QTMAN: variants seen among roughly 807,000 people sequenced by gnomAD.
QTMAN encodes the protein tRNA-queuosine alpha-mannosyltransferase.
At chr2:144,231,894 T>G in the QTMAN span, among the ~76,000 whole-genome samples, 3 of 118,828 alleles carry the variant, frequency 2.5e-5, no homozygotes, top group African/African-American at 5.7e-5. Context: ...GTGTGTGTGT[T>G]ATCTTTACTC....
the QTMAN span, among the ~76,000 whole-genome samples, chr2:144,175,670 C>CAGAG: frequency 8.8e-5 from 13 of 148,230 alleles, no homozygotes; most frequent in Non-Finnish European, 1.8e-4. Context: ...TATATATTTA[C>CAGAG]AGAGAGAGAG....
the QTMAN span, chr2:144,145,637 CAA>C: frequency 1.9e-6 from 3 of 1,611,068 alleles, no homozygotes; most frequent in Non-Finnish European, 2.5e-6. Flanking sequence ...CAGGATATAT[CAA>C]CTGGTTCTCG....
the QTMAN span, among the ~76,000 whole-genome samples, chr2:143,985,051 G>C: frequency 6.6e-6 from 1 of 152,240 alleles, no homozygotes; most frequent in Non-Finnish European, 1.5e-5. Context: ...AAAGAGCACT[G>C]ATTGTAACAC....
At chr2:144,201,017 G>A in the QTMAN span, among the ~76,000 whole-genome samples, 6 of 152,104 alleles carry the variant, frequency 3.9e-5, no homozygotes, top group Non-Finnish European at 7.3e-5. Context: ...CTGCTAGGTG[G>A]CATACTAGGT....
the QTMAN span, chr2:144,208,769 TGAG>T: frequency 6.2e-7 from 1 of 1,612,004 alleles, no homozygotes; most frequent in Non-Finnish European, 8.5e-7. Flanking sequence ...GCTTCAATGA[TGAG>T]GATACTCATT....
the QTMAN span, among the ~76,000 whole-genome samples, chr2:144,215,873 C>T: frequency 6.6e-6 from 1 of 152,154 alleles, no homozygotes. Flanking sequence ...AAGCTAATCA[C>T]AAATAATCTT....
At chr2:143,994,875 A>T in the QTMAN span, among the ~76,000 whole-genome samples, 25 of 152,166 alleles carry the variant, frequency 1.6e-4, no homozygotes, top group Non-Finnish European at 5.9e-5. Flanking sequence ...AAGTGGGTAA[A>T]TTTTTTGACA....
the QTMAN span, among the ~76,000 whole-genome samples, chr2:144,231,486 AATAT>A: frequency 1.3e-5 from 2 of 152,142 alleles, no homozygotes; most frequent in South Asian, 2.1e-4. Context: ...ATTCCTAAAA[AATAT>A]ATAATGTCAA....
chr2:144,002,804 T>C, the QTMAN span, among the ~76,000 whole-genome samples: 12 of 151,922 alleles, frequency 7.9e-5, no homozygotes, highest in African/African-American at 4.8e-5. Flanking sequence ...CAAGTTTTGG[T>C]ATAGTATCAA....
the QTMAN span, among the ~76,000 whole-genome samples, chr2:144,290,192 A>G: frequency 1.3e-5 from 2 of 152,054 alleles, no homozygotes; most frequent in South Asian, 2.1e-4. Context: ...GCTGGGGGCT[A>G]AGGGGATGGA....
At chr2:144,182,820 A>ATATATATAATATATATATTT in the QTMAN span, among the ~76,000 whole-genome samples, 2 of 32,130 alleles carry the variant, frequency 6.2e-5, no homozygotes, top group African/African-American at 1.6e-4. Flanking sequence ...TATATATATT[A>ATATATATAATATATATATTT]TATATATAAT....
At chr2:143,952,680 T>C in the QTMAN span, 3 of 915,158 alleles carry the variant, frequency 3.3e-6, no homozygotes, top group African/African-American at 5.0e-5. Context: ...AAATAAACAA[T>C]TGCTCCTGCC....
chr2:144,081,976 T>C, the QTMAN span, among the ~76,000 whole-genome samples: 1 of 152,182 alleles, frequency 6.6e-6, no homozygotes, highest in Non-Finnish European at 1.5e-5. Flanking sequence ...CAGCCTTGAC[T>C]TCCTAGGCTC....
the QTMAN span, among the ~76,000 whole-genome samples, chr2:144,112,562 A>C: frequency 6.6e-6 from 1 of 152,254 alleles, no homozygotes; most frequent in African/African-American, 2.4e-5. Context: ...ACAGCAAGAC[A>C]GAAAGCTTTA....
the QTMAN span, among the ~76,000 whole-genome samples, chr2:144,157,780 T>C: frequency 6.6e-6 from 1 of 151,366 alleles, no homozygotes; most frequent in Non-Finnish European, 1.5e-5. Flanking sequence ...GTATAACACA[T>C]ATATAACTAT....
chr2:144,241,226 G>A, the QTMAN span, among the ~76,000 whole-genome samples: 2 of 152,172 alleles, frequency 1.3e-5, no homozygotes, highest in African/African-American at 4.8e-5. Flanking sequence ...CTGGAGTGGG[G>A]CCCAGTGTTT....
the QTMAN span, among the ~76,000 whole-genome samples, chr2:144,045,815 C>G: frequency 6.6e-6 from 1 of 152,178 alleles, no homozygotes; most frequent in African/African-American, 2.4e-5. Context: ...AGGCTGGAAA[C>G]AGCAAACAGA....
the QTMAN span, among the ~76,000 whole-genome samples, chr2:143,971,385 G>A: frequency 1.3e-5 from 2 of 152,078 alleles, no homozygotes; most frequent in Non-Finnish European, 2.9e-5. Flanking sequence ...TATTAACTTA[G>A]GAGTGGAGTT....
the QTMAN span, among the ~76,000 whole-genome samples, chr2:143,995,264 T>G: frequency 1.3e-5 from 2 of 152,176 alleles, no homozygotes; most frequent in African/African-American, 4.8e-5. Flanking sequence ...GTACTTGTTT[T>G]GGGTAGGCTG....
Sources: allele counts gnomAD v4.1 joint callset (sites outside exome capture counted in the v4.1 genomes callset), GRCh38; gene constraint gnomAD v4.1.1; transcripts MANE v1.5; gene names NCBI Gene and HGNC (gene_info 2026-07-23, HGNC 2026-07-21).